Variants in RNF213 observed in about 807,000 individuals in gnomAD.
RNF213 encodes E3 ubiquitin-protein ligase RNF213.
Under a neutral mutation model 514.4 loss-of-function variants are expected in RNF213, and 341 were observed. The observed-to-expected ratio is 0.66, with a 90% CI of 0.61 to 0.73. RNF213 has a LOEUF of 0.73. Ranked by LOEUF, RNF213 falls within the 30% of genes least tolerant of loss-of-function variation. RNF213 has a pLI of 0.00. For synonymous variants in RNF213, 2,655 were observed against 2,658.2 expected (o/e 1.00, Z 0.04); for missense variants, 5,767 against 6,615.6 (o/e 0.87, Z 4.45).
At chr17:80,348,923 C>T (rs1041970206) in intron 29 of RNF213, among the ~76,000 whole-genome samples, 10 of 152,106 alleles carry the variant, frequency 6.6e-5, no homozygotes, top group Admixed American at 4.6e-4. Context: ...CCCTATGGAG[C>T]GGGCACTGGA....
Position 80,373,103 on chromosome 17 carries a change from G to A in RNF213, c.12880G>A (p.Gly4294Ser). 2.5e-6 allele frequency: 4 copies of A among 1,613,734 alleles called. No homozygotes were observed. Among genetic ancestry groups the A allele is most frequent in the Non-Finnish European group, 3.4e-6 (4 of 1,179,980 alleles). Residue 4294 changes from glycine to serine, a missense_variant, in exon 49 of 68, where the codon GGC becomes AGC. Around this residue, in one of 13 missense-constraint regions of RNF213, gnomAD observed 1,245 missense variants for 1,339.0 expected, o/e 0.93. Transcript: ENST00000582970. Reference protein sequence around the residue: ...SSQRGMEFVQGLSKPGRPHQW... With the variant: ...SSQRGMEFVQSLSKPGRPHQW... ...CCAGCGGGGGATGGAGTTCGTGCAG[G>A]GCCTCTCCAAGCCCGGCCGCCCGCA...
intron 54 of RNF213, among the ~76,000 whole-genome samples, chr17:80,378,006 G>T (rs2079831408): frequency 5.3e-5 from 8 of 152,186 alleles, no homozygotes; most frequent in Admixed American, 5.2e-4. Flanking sequence ...TGTGGACGTG[G>T]CTCTGCGGCG....
chr17:80,300,258 G>GT (rs1344940680), intron 11 of RNF213, among the ~76,000 whole-genome samples: 2 of 151,792 alleles, frequency 1.3e-5, no homozygotes, highest in Non-Finnish European at 2.9e-5. Flanking sequence ...TGTTAAGATG[G>GT]TATCTCACTG....
At chr17:80,355,460 A>AGGC (rs1555671105) in intron 36 of RNF213, among the ~76,000 whole-genome samples, 1 of 32,240 alleles carries the variant, frequency 3.1e-5, no homozygotes. Flanking sequence ...ACGGAGGAAG[A>AGGC]GGGGTGACCG....
chr17:80,346,323 A>G lies in RNF213; in HGVS notation c.7988A>G (p.Asn2663Ser). The G allele has an allele frequency of 6.2e-7, 1 of 1,614,006 alleles. No individual in the cohort carries two copies. ...EHSAMLLAQL[N>S]AFLSKSSVSK... The stretch of plus-strand genomic sequence containing the variant: ...AGCGCGATGCTCTTAGCGCAGCTGA[A>G]TGCCTTTCTCTCCAAGTCCAGCGTC... The change falls in exon 29 of 68, where the codon AAT (asparagine) becomes AGT (serine). Residue 2663 changes from asparagine (N) to serine (S), a missense_variant. Around this residue, in one of 13 missense-constraint regions of RNF213, gnomAD observed 1,377 missense variants for 1,635.2 expected, o/e 0.84. Coordinates refer to ENST00000582970, the MANE Select transcript of RNF213 (RefSeq NM_001256071.3). This position sits in a 1 kb window ranked among gnomAD's most constrained non-coding sequence, Gnocchi z 8.1.
intron 63 of RNF213, among the ~76,000 whole-genome samples, chr17:80,388,353 C>A (rs1467800392): frequency 6.6e-6 from 1 of 152,202 alleles, no homozygotes; most frequent in African/African-American, 2.4e-5. Context: ...GCCCTAGCGC[C>A]TCCTGTGGCG....
At chr17:80,295,502 C>T in intron 9 of RNF213, 55 bp from the exon 10 acceptor site, 6 of 1,610,470 alleles carry the variant, frequency 3.7e-6, no homozygotes, top group Non-Finnish European at 5.1e-6. Context: ...GCTCTGGACA[C>T]TGCCGGTGAA....
chr17:80,293,609 G>A (rs1009826474), intron 8 of RNF213, among the ~76,000 whole-genome samples: 2 of 151,896 alleles, frequency 1.3e-5, no homozygotes, highest in African/African-American at 2.4e-5. Flanking sequence ...GGATCACGAG[G>A]TCAGGAGATC....
At position 80,358,863 on chromosome 17, in the gene RNF213, G is replaced by C. The variant is rs142436674; in HGVS notation, c.11054+384G>C. Among the ~76,000 whole-genome samples, 1,118 of 152,176 alleles carry C rather than the reference G, an allele frequency of 7.3e-3. 11 individuals carry two copies. Among genetic ancestry groups the C allele is most frequent in the African/African-American group, 0.025 (1,055 of 41,524 alleles). ...GGCGGAGGTTGCAGTGAGCCGAGAT[G>C]GCGCCACTGCACTCCAGCCTGGTGA... On this transcript the variant is annotated intron_variant, in intron 37 of 67. Transcript: ENST00000582970.
At chr17:80,315,687 GAAGGTGATGGTAGAGGTAATGGAAGTGA>G in intron 15 of RNF213, 1 of 152,562 alleles carries the variant, frequency 6.6e-6, no homozygotes, top group East Asian at 1.9e-4. Flanking sequence ...TGGTGGTGGT[GAAGGTGATGGTAGAGGTAATGGAAGTGA>G]TGGTGGAGGT....
chr17:80,386,639 T>C lies in RNF213; in HGVS notation c.14721-51T>C, dbSNP rs2080247255. 1.9e-6 allele frequency: 3 copies of C among 1,576,676 alleles called. No individual in the cohort carries two copies. In the East Asian group the frequency reaches 6.7e-5, roughly 35 times the overall value. The stretch of plus-strand genomic sequence containing the variant: ...GCCTGCTCCCTGCAACATAGAGCCC[T>C]AGGCCCGCATGCCTGGCCTGGACGC... On this transcript the variant is annotated intron_variant, in intron 62 of 67. Coordinates refer to ENST00000582970, the MANE Select transcript of RNF213 (RefSeq NM_001256071.3).
intron 42 of RNF213, among the ~76,000 whole-genome samples, chr17:80,365,588 G>A (rs1027782275): frequency 5.9e-5 from 9 of 152,162 alleles, no homozygotes; most frequent in East Asian, 1.9e-4. Flanking sequence ...CTCGTGTCTC[G>A]TGGTCCTAAA....
chr17:80,375,163 A>C, intron 50 of RNF213: 1 of 176,628 alleles, frequency 5.7e-6, no homozygotes, highest in Non-Finnish European at 1.2e-5. Flanking sequence ...AGGAGTCAGA[A>C]GAACAGATGG....
Position 80,291,614 on chromosome 17 carries a change from C to T in RNF213, c.1272-14C>T. 1.2e-6 allele frequency: 2 copies of T among 1,614,014 alleles called. No individual in the cohort carries two copies. Among genetic ancestry groups the T allele is most frequent in the Middle Eastern group, 1.6e-4 (1 of 6,062 alleles). On this transcript the variant is annotated splice_polypyrimidine_tract_variant and intron_variant, in intron 7 of 67. Transcript: ENST00000582970. The stretch of plus-strand genomic sequence containing the variant: ...GGAATTTTGGATAGCCAACCGTATC[C>T]TGTTCATTCACAGAGACTTGGGTCA...
At chr17:80,294,626 C>A in intron 8 of RNF213, 94 bp from the exon 9 acceptor site, 1 of 1,449,514 alleles carries the variant, frequency 6.9e-7, no homozygotes, top group Non-Finnish European at 9.7e-7. Context: ...TACTCCATAT[C>A]TGTACCAGTC....
intron 7 of RNF213, 30 bp downstream of exon 7, chr17:80,290,758 C>A: frequency 1.2e-6 from 2 of 1,613,738 alleles, no homozygotes; most frequent in South Asian, 1.1e-5. Flanking sequence ...TGGGAGGAAT[C>A]CCTCAGGGAA....
intron 42 of RNF213, 130 bp downstream of exon 42, chr17:80,364,683 G>C: frequency 8.9e-7 from 1 of 1,119,930 alleles, no homozygotes; most frequent in Non-Finnish European, 1.3e-6. Flanking sequence ...ACATGCAAAG[G>C]AAGGTGATTT....
chr17:80,295,848 C>T lies in RNF213; in HGVS notation c.2012+35C>T, dbSNP rs757028941. The T allele has an allele frequency of 9.3e-6, 15 of 1,609,360 alleles. No homozygotes were observed. The Admixed American group carries it at 2.3e-4, about 25-fold the overall frequency. ...TTTTTTGTCAAAATGTTTTTTATAGCTATTATAATGATTTTCTCTGATTGC... is the reference window on the plus strand; with the variant it reads ...TTTTTTGTCAAAATGTTTTTTATAGTTATTATAATGATTTTCTCTGATTGC... On this transcript the variant is annotated intron_variant, in intron 10 of 67. Transcript: ENST00000582970.
At chr17:80,366,723 T>G (rs1444336555) in intron 42 of RNF213, among the ~76,000 whole-genome samples, 4 of 152,202 alleles carry the variant, frequency 2.6e-5, no homozygotes, top group Non-Finnish European at 5.9e-5. Context: ...AGATAAACTC[T>G]ATATGATCAT....
Sources: allele counts gnomAD v4.1 joint callset (sites outside exome capture counted in the v4.1 genomes callset), GRCh38; gene constraint gnomAD v4.1.1; regional missense constraint gnomAD v4.1.1; non-coding constraint Gnocchi (gnomAD v3.1); transcripts MANE v1.5; gene names NCBI Gene and HGNC (gene_info 2026-07-23, HGNC 2026-07-21).